Variants in ITGA8 observed in about 807,000 individuals in gnomAD.
The protein encoded by ITGA8 is integrin subunit alpha 8, also known as integrin alpha-8.
A neutral mutation model predicts 142.3 loss-of-function variants in ITGA8; 91 were observed. The observed-to-expected ratio is 0.64, with a 90% CI of 0.54 to 0.76. The LOEUF is 0.76. Ranked by LOEUF, ITGA8 falls within the 30% of genes least tolerant of loss-of-function variation. The pLI, the probability that ITGA8 is intolerant of heterozygous loss-of-function variation, is 0.00. For missense variants in ITGA8, 1,406 were observed against 1,327.7 expected, an observed-to-expected ratio of 1.06 and a Z score of -0.92; for synonymous variants, 505 against 485.2, an observed-to-expected ratio of 1.04 and a Z score of -0.54.
intron 5 of ITGA8, 113 bp from the exon 6 acceptor site, chr10:15,677,750 A>G (rs1834659165): frequency 4.2e-6 from 4 of 961,918 alleles, no homozygotes; most frequent in South Asian, 3.4e-5. Flanking sequence ...GTTACACATA[A>G]AAAGCAATTT....
At chr10:15,541,077 A>T (rs540766848) in intron 27 of ITGA8, among the ~76,000 whole-genome samples, 11 of 152,280 alleles carry the variant, frequency 7.2e-5, no homozygotes, top group African/African-American at 2.2e-4. Context: ...AAGTGGATAT[A>T]AAGAGAGTTG....
chr10:15,707,866 T>C (rs1233467950), intron 2 of ITGA8, among the ~76,000 whole-genome samples: 1 of 150,802 alleles, frequency 6.6e-6, no homozygotes, highest in African/African-American at 2.4e-5. Context: ...GATAATCAGT[T>C]TGTGTTGTTT....
At chr10:15,719,089 T>G (rs1389830131) in intron 1 of ITGA8, among the ~76,000 whole-genome samples, 190 bp from the exon 2 acceptor site, 1 of 152,100 alleles carries the variant, frequency 6.6e-6, no homozygotes, top group East Asian at 1.9e-4. Context: ...TTTGCAAGAA[T>G]GCAAACGGTC....
chr10:15,539,694 G>T (rs1349313823), intron 27 of ITGA8, among the ~76,000 whole-genome samples: 1 of 152,100 alleles, frequency 6.6e-6, no homozygotes, highest in Non-Finnish European at 1.5e-5. Context: ...GCATTTTGGA[G>T]GTACATGTGA....
intron 15 of ITGA8, among the ~76,000 whole-genome samples, chr10:15,610,245 T>A (rs1005842800): frequency 2.0e-5 from 3 of 152,172 alleles, no homozygotes; most frequent in African/African-American, 7.2e-5. Context: ...TAAAGAAAAT[T>A]TCAAGATTTT....
At chr10:15,692,572 A>G (rs1021470365) in intron 2 of ITGA8, among the ~76,000 whole-genome samples, 2 of 152,206 alleles carry the variant, frequency 1.3e-5, no homozygotes, top group African/African-American at 4.8e-5. Flanking sequence ...TCTGAATAAC[A>G]GAGGCTTCCC....
At chr10:15,553,690 C>T (rs993176654) in intron 26 of ITGA8, among the ~76,000 whole-genome samples, 4 of 152,136 alleles carry the variant, frequency 2.6e-5, no homozygotes, top group African/African-American at 7.2e-5. Flanking sequence ...TCTTTGAGGG[C>T]TCTTGGCTAT....
At position 15,604,267 on chromosome 10, in the gene ITGA8, C is replaced by T; in HGVS notation, c.2059G>A (p.Glu687Lys). The stretch of plus-strand genomic sequence containing the variant: ...TCTTCTGGTATCATTACAAAGAGTT[C>T]AGCTTCATATGCTCCTTCCCCTTCA... ...RNEGEGAYEA[E>K]LFVMIPEEAD... The change falls in exon 20 of 30, where the codon GAA becomes AAA. Residue 687 changes from glutamate to lysine, a missense_variant. By Grantham distance (56) the Glu-to-Lys change is moderately conservative. Coordinates refer to ENST00000378076, the MANE Select transcript of ITGA8 (RefSeq NM_003638.3). 6.2e-7 allele frequency: 1 copy of T among 1,613,534 alleles called. No individual in the cohort carries two copies.
At chr10:15,698,306 G>A (rs1345722350) in intron 2 of ITGA8, among the ~76,000 whole-genome samples, 27 of 151,994 alleles carry the variant, frequency 1.8e-4, no homozygotes, top group Admixed American at 2.0e-4. Flanking sequence ...TGATCCACTC[G>A]TTGATTGATG....
At chr10:15,572,409 G>A in intron 24 of ITGA8, 40 bp from the exon 25 acceptor site, 1 of 1,593,736 alleles carries the variant, frequency 6.3e-7, no homozygotes, top group Admixed American at 1.7e-5. Context: ...CCCAGCAGAA[G>A]GCAGAGAGAT....
intron 10 of ITGA8, among the ~76,000 whole-genome samples, chr10:15,655,958 C>T (rs568839691): frequency 1.8e-4 from 27 of 152,210 alleles, no homozygotes; most frequent in Admixed American, 1.2e-3. Context: ...CATGGTGGCA[C>T]GTGTAGTCCC....
chr10:15,692,809 G>A (rs998163726), intron 2 of ITGA8, among the ~76,000 whole-genome samples: 4 of 152,152 alleles, frequency 2.6e-5, no homozygotes, highest in Non-Finnish European at 4.4e-5. Context: ...GGCTCATGCC[G>A]GTAATCCCAG....
intron 27 of ITGA8, among the ~76,000 whole-genome samples, chr10:15,542,218 T>G (rs1833583091): frequency 6.6e-6 from 1 of 152,206 alleles, no homozygotes; most frequent in South Asian, 2.1e-4. Context: ...TCTTGCAATT[T>G]TGAATGGAAA....
chr10:15,539,921 T>G (rs1833534991), intron 27 of ITGA8, among the ~76,000 whole-genome samples: 1 of 152,050 alleles, frequency 6.6e-6, no homozygotes, highest in South Asian at 2.1e-4. Context: ...CCCCTACTGT[T>G]CTTGTTGTAA....
chr10:15,714,805 C>T (rs1362760746), intron 2 of ITGA8, among the ~76,000 whole-genome samples: 1 of 152,188 alleles, frequency 6.6e-6, no homozygotes, highest in Non-Finnish European at 1.5e-5. Flanking sequence ...ATAGGGCTGT[C>T]TCCTTCAAAG....
chr10:15,519,918 A>T (rs142351926), intron 28 of ITGA8, among the ~76,000 whole-genome samples: 3 of 152,168 alleles, frequency 2.0e-5, no homozygotes, highest in Non-Finnish European at 4.4e-5. Flanking sequence ...GAGAAAATTA[A>T]CTCCCAGAGG....
intron 6 of ITGA8, among the ~76,000 whole-genome samples, chr10:15,674,600 T>A (rs1027417041): frequency 4.6e-5 from 7 of 152,250 alleles, no homozygotes; most frequent in African/African-American, 1.7e-4. Context: ...TAATTGTATA[T>A]GCATGAACTG....
intron 6 of ITGA8, 49 bp from the exon 7 acceptor site, chr10:15,672,798 G>A: frequency 6.6e-7 from 1 of 1,523,202 alleles, no homozygotes; most frequent in Non-Finnish European, 8.8e-7. Context: ...CAAGAGGCAG[G>A]CCCTCCATGA....
chr10:15,519,863 C>T (rs760771295), intron 28 of ITGA8, among the ~76,000 whole-genome samples: 20 of 152,190 alleles, frequency 1.3e-4, no homozygotes, highest in South Asian at 4.2e-4. Context: ...CTTGGATGTG[C>T]AAGAAGGGTA....
Sources: gnomAD v4.1 joint callset for allele counts (sites outside exome capture counted in the v4.1 genomes callset) on GRCh38, gnomAD v4.1.1 for gene constraint, MANE v1.5 for transcripts, NCBI Gene and HGNC (gene_info 2026-07-23, HGNC 2026-07-21) for gene names.